Variants in CTNNBL1 observed in about 807,000 individuals in gnomAD.
CTNNBL1 encodes beta-catenin-like protein 1.
Under a neutral mutation model 72.7 loss-of-function variants are expected in CTNNBL1, and 31 were observed. The observed-to-expected ratio is 0.43, with a 90% CI of 0.32 to 0.58. The LOEUF is 0.58. Among genes scored for constraint, CTNNBL1 ranks in the 20% least tolerant of loss-of-function variants. CTNNBL1 has a pLI of 0.08. For missense variants in CTNNBL1, 534 were observed against 725.1 expected (o/e 0.74, Z 3.03); for synonymous variants, 240 against 267.3 (o/e 0.90, Z 1.00).
At position 37,840,040 on chromosome 20, in the gene CTNNBL1, G is replaced by A. The variant is rs541572449; in HGVS notation, c.1214-62G>A. The A allele has an allele frequency of 1.4e-5, 17 of 1,228,486 alleles. No individual in the cohort carries two copies. The South Asian group carries it at 1.8e-4, about 13-fold the overall frequency. The allele number at this position is 1,228,486 out of a possible 1,614,324, so 76.1% of individuals were successfully genotyped here. On this transcript the variant is annotated intron_variant, in intron 11 of 15. Coordinates refer to ENST00000361383, the MANE Select transcript of CTNNBL1 (RefSeq NM_030877.5). ...CCCTCAATAGAACCAGACGAGGCTT[G>A]AAGAGAGGTAATAATTACTGCTCTG...
chr20:37,745,279 G>A (rs2073252990), intron 3 of CTNNBL1, among the ~76,000 whole-genome samples: 1 of 152,186 alleles, frequency 6.6e-6, no homozygotes, highest in Admixed American at 6.5e-5. Context: ...TCTGGAAGTT[G>A]ATGAGTCCTG....
chr20:37,704,838 A>G (rs112680253), intron 1 of CTNNBL1, among the ~76,000 whole-genome samples: 1 of 152,238 alleles, frequency 6.6e-6, no homozygotes, highest in African/African-American at 2.4e-5. Flanking sequence ...CTTCAGTCAT[A>G]GACTTCAGTC....
intron 13 of CTNNBL1, among the ~76,000 whole-genome samples, chr20:37,856,233 A>C (rs2072439820): frequency 6.6e-6 from 1 of 152,058 alleles, no homozygotes; most frequent in Non-Finnish European, 1.5e-5. Flanking sequence ...TAAGCAAAAA[A>C]ATGCTGCACA....
At chr20:37,694,199 G>T in intron 1 of CTNNBL1, 47 bp downstream of exon 1, 1 of 1,535,344 alleles carries the variant, frequency 6.5e-7, no homozygotes. Flanking sequence ...CACCTGGGCA[G>T]GGGTCGCAGG....
At chr20:37,806,503 C>T (rs141396736) in intron 11 of CTNNBL1, among the ~76,000 whole-genome samples, 94 of 152,248 alleles carry the variant, frequency 6.2e-4, no homozygotes, top group African/African-American at 2.2e-3. Flanking sequence ...GGGTTTTAGG[C>T]CTCACAAGGT....
chr20:37,772,715 A>G (rs1416588285), intron 7 of CTNNBL1, among the ~76,000 whole-genome samples: 1 of 152,196 alleles, frequency 6.6e-6, no homozygotes, highest in Non-Finnish European at 1.5e-5. Context: ...CCAAGGTTCT[A>G]GAGTAATTAT....
intron 1 of CTNNBL1, among the ~76,000 whole-genome samples, chr20:37,717,085 A>AT (rs2072992299): frequency 6.6e-6 from 1 of 151,604 alleles, no homozygotes; most frequent in East Asian, 1.9e-4. Context: ...CCCCCTTCCC[A>AT]TTTTTCCAAA....
At chr20:37,815,209 C>T (rs2084428074) in intron 11 of CTNNBL1, among the ~76,000 whole-genome samples, 1 of 151,472 alleles carries the variant, frequency 6.6e-6, no homozygotes, top group African/African-American at 2.4e-5. Flanking sequence ...AGGAGCTAGA[C>T]TATATTTTTA....
At chr20:37,707,734 G>A (rs1317470250) in intron 1 of CTNNBL1, among the ~76,000 whole-genome samples, 1 of 152,164 alleles carries the variant, frequency 6.6e-6, no homozygotes. Flanking sequence ...TTTTCTGTCT[G>A]GTATAACAGG....
At chr20:37,777,946 T>C (rs547520662) in intron 9 of CTNNBL1, among the ~76,000 whole-genome samples, 8 of 152,332 alleles carry the variant, frequency 5.3e-5, no homozygotes, top group African/African-American at 1.7e-4. Flanking sequence ...TCTTCTGATA[T>C]GATATTGTCA....
intron 13 of CTNNBL1, among the ~76,000 whole-genome samples, chr20:37,847,570 A>G (rs1396346753): frequency 6.6e-6 from 1 of 152,170 alleles, no homozygotes; most frequent in Non-Finnish European, 1.5e-5. Flanking sequence ...GTTGTTGGGA[A>G]GGCATCCTGA....
intron 9 of CTNNBL1, among the ~76,000 whole-genome samples, chr20:37,778,896 T>C (rs1600482356): frequency 6.6e-6 from 1 of 152,176 alleles, no homozygotes; most frequent in African/African-American, 2.4e-5. Context: ...GATAAAAAGA[T>C]TTTGTTTTTT....
chr20:37,828,180 C>T (rs575725093), intron 11 of CTNNBL1, among the ~76,000 whole-genome samples: 21 of 152,286 alleles, frequency 1.4e-4, no homozygotes, highest in East Asian at 3.9e-4. Context: ...GGTACAGATA[C>T]GACTGAGACG....
chr20:37,749,589 A>G (rs1304374359), intron 4 of CTNNBL1, among the ~76,000 whole-genome samples: 4 of 151,960 alleles, frequency 2.6e-5, no homozygotes, highest in African/African-American at 9.7e-5. Context: ...TGCCCTAATG[A>G]TATTTTTTAA....
At position 37,727,806 on chromosome 20, in the gene CTNNBL1, T is replaced by G. The variant is rs202235695; in HGVS notation, c.31-5073T>G. 2.6e-5 allele frequency among the ~76,000 whole-genome samples: 4 copies of G among 152,356 alleles called. No individual in the cohort carries two copies. In the East Asian group the frequency reaches 7.7e-4, roughly 29 times the overall value. On this transcript the variant is annotated intron_variant, in intron 1 of 15. Coordinates refer to ENST00000361383, the MANE Select transcript of CTNNBL1 (RefSeq NM_030877.5). ...CAGGCTGTGAGTGTTACATTCTTTT[T>G]GTGGATCAAGAGCCCTTTGGCTTCC...
chr20:37,719,425 C>A (rs140982637), intron 1 of CTNNBL1, among the ~76,000 whole-genome samples: 1 of 152,168 alleles, frequency 6.6e-6, no homozygotes, highest in East Asian at 1.9e-4. Flanking sequence ...CAGCGCTAAC[C>A]GGAAGGCTCA....
At chr20:37,821,473 A>AC (rs2072107020) in intron 11 of CTNNBL1, among the ~76,000 whole-genome samples, 1 of 152,206 alleles carries the variant, frequency 6.6e-6, no homozygotes, top group Non-Finnish European at 1.5e-5. Context: ...ATCCTTATGT[A>AC]CCCATCACTC....
chr20:37,780,067 T>TA (rs950057271), intron 10 of CTNNBL1, among the ~76,000 whole-genome samples: 3,132 of 143,550 alleles, frequency 0.022, 113 homozygotes, highest in African/African-American at 0.073. Context: ...TCAAGGGACT[T>TA]AAAAAAAAAA....
chr20:37,779,048 T>C (rs1192949394), intron 9 of CTNNBL1, 139 bp from the exon 10 acceptor site: 1 of 775,202 alleles, frequency 1.3e-6, no homozygotes, highest in Non-Finnish European at 2.1e-6. Context: ...AAATGGAAAC[T>C]GATGAGAATT....
Sources: gnomAD v4.1 joint callset for allele counts (sites outside exome capture counted in the v4.1 genomes callset) on GRCh38, gnomAD v4.1.1 for gene constraint, MANE v1.5 for transcripts, NCBI Gene and HGNC (gene_info 2026-07-23, HGNC 2026-07-21) for gene names.